Variants in XKR9 observed in about 807,000 individuals in gnomAD.
XKR9 encodes XK-related protein 9.
Under a neutral mutation model 32.0 loss-of-function variants are expected in XKR9, and 32 were observed. That is an observed-to-expected ratio of 1.00 (90% confidence interval 0.76 to 1.34). XKR9 has a LOEUF of 1.34. Ranked by LOEUF, XKR9 falls within the 40% of genes most tolerant of loss-of-function variation. XKR9 has a pLI of 0.00. For synonymous variants in XKR9, 168 were observed against 143.4 expected, an observed-to-expected ratio of 1.17 and a Z score of -1.22; for missense variants, 546 against 429.7, an observed-to-expected ratio of 1.27 and a Z score of -2.39.
At chr8:70,960,497 C>T in the XKR9 span, among the ~76,000 whole-genome samples, 4 of 152,154 alleles carry the variant, frequency 2.6e-5, no homozygotes, top group African/African-American at 7.2e-5. Context: ...TGTGACTTTG[C>T]TGAATCCATT....
At position 70,770,519 on chromosome 8, in the gene XKR9, A is replaced by T. The variant is rs147561060; in HGVS notation, n.353-18820A>T. ...CTGCTGAAGCTGCACCCACAGCCGC[A>T]TCTTCCTCCAGGTGCTCTGTCCCAG... On this transcript the variant is annotated intron_variant and non_coding_transcript_variant, in intron 2 of 3. Transcript: ENST00000520273. Among the ~76,000 whole-genome samples the T allele has an allele frequency of 2.4e-4, 37 of 152,336 alleles. No individual in the cohort carries two copies. The East Asian group carries it at 6.9e-3, about 29-fold the overall frequency.
chr8:70,872,514 C>A, the XKR9 span, among the ~76,000 whole-genome samples: 1 of 152,310 alleles, frequency 6.6e-6, no homozygotes, highest in South Asian at 2.1e-4. Context: ...GGGGACTACA[C>A]TAAAGAATAG....
the XKR9 span, among the ~76,000 whole-genome samples, chr8:70,817,082 T>A: frequency 6.6e-6 from 1 of 152,110 alleles, no homozygotes; most frequent in Non-Finnish European, 1.5e-5. Context: ...CAAAAAGTCT[T>A]ATCTTTGATA....
chr8:70,939,826 GCAA>G, the XKR9 span, among the ~76,000 whole-genome samples: 2 of 152,072 alleles, frequency 1.3e-5, no homozygotes, highest in Non-Finnish European at 2.9e-5. Flanking sequence ...GAAATACCAT[GCAA>G]CAACAACATT....
At chr8:70,892,008 A>G in the XKR9 span, among the ~76,000 whole-genome samples, 33 of 152,178 alleles carry the variant, frequency 2.2e-4, no homozygotes, top group African/African-American at 7.5e-4. Flanking sequence ...TTATTATACA[A>G]TGACCTTTTC....
chr8:70,695,133 T>C (rs1805216831), intron 3 of XKR9, among the ~76,000 whole-genome samples: 2 of 116,114 alleles, frequency 1.7e-5, no homozygotes, highest in Non-Finnish European at 4.0e-5. Context: ...TTTTTCTTTT[T>C]TTTTTTTTTT....
rs1450612931 is a variant in XKR9 at position 70,734,135 on chromosome 8, T to C, written c.833T>C (p.Ile278Thr). Residue 278 changes from isoleucine (I) to threonine (T), a missense_variant, in exon 5 of 5, where the codon ATT (isoleucine) becomes ACT (threonine). Coordinates refer to ENST00000408926, the MANE Select transcript of XKR9 (RefSeq NM_001011720.2). ...ATTCTTATCTTTACATTTTTTAATA[T>C]TAAGGGACAGAATACCAAGTGTCCA... ...GFILIFTFFN[I>T]KGQNTKCPMS... is the part of the protein sequence containing the mutation. 6.2e-7 allele frequency: 1 copy of C among 1,612,374 alleles called. No individual in the cohort carries two copies. Among genetic ancestry groups the C allele is most frequent in the South Asian group, 1.1e-5 (1 of 90,962 alleles).
chr8:70,724,820 G>T lies in XKR9; in HGVS notation c.494-8976G>T, dbSNP rs1444376091. 3.9e-5 allele frequency among the ~76,000 whole-genome samples: 6 copies of T among 152,178 alleles called. No individual in the cohort carries two copies. In the East Asian group the frequency reaches 1.2e-3, roughly 29 times the overall value. ...CTGCAGACCGGAGCTTTTCATATTT[G>T]GCCATCTTAGTCTGGGTTTTCTTTT... is the stretch of plus-strand genomic sequence containing the variant. On this transcript the variant is annotated intron_variant, in intron 4 of 4. Transcript: ENST00000408926.
chr8:71,030,274 GTACTAA>G, the XKR9 span, among the ~76,000 whole-genome samples: 1 of 152,088 alleles, frequency 6.6e-6, no homozygotes, highest in Admixed American at 6.6e-5. Context: ...ACTAAATACA[GTACTAA>G]TAATCTCTTA....
the XKR9 span, among the ~76,000 whole-genome samples, chr8:70,900,566 G>A: frequency 1.3e-5 from 2 of 151,954 alleles, no homozygotes; most frequent in African/African-American, 4.8e-5. Context: ...TCCAGCCTGG[G>A]CAAAAGAGTG....
chr8:70,857,757 C>T, the XKR9 span, among the ~76,000 whole-genome samples: 5 of 152,264 alleles, frequency 3.3e-5, no homozygotes, highest in East Asian at 7.7e-4. Flanking sequence ...CATCAAAAAG[C>T]TTATCCGCCA....
intron 3 of XKR9, among the ~76,000 whole-genome samples, chr8:70,706,652 G>A (rs1044667455): frequency 5.9e-5 from 9 of 151,994 alleles, no homozygotes; most frequent in Non-Finnish European, 1.2e-4. Context: ...ATGGAATAAT[G>A]TCTCCTTTTC....
chr8:70,758,009 TC>T (rs1807253924), intron 2 of XKR9, among the ~76,000 whole-genome samples: 1 of 152,194 alleles, frequency 6.6e-6, no homozygotes, highest in African/African-American at 2.4e-5. Context: ...TATCCTACTT[TC>T]CTGTTTCTTT....
At chr8:70,726,639 C>G (rs1056838488) in intron 4 of XKR9, among the ~76,000 whole-genome samples, 1 of 152,214 alleles carries the variant, frequency 6.6e-6, no homozygotes, top group Non-Finnish European at 1.5e-5. Flanking sequence ...ACAATCAAAG[C>G]AATGGCTACC....
chr8:70,985,949 G>A, the XKR9 span, among the ~76,000 whole-genome samples: 6 of 151,510 alleles, frequency 4.0e-5, no homozygotes, highest in Non-Finnish European at 8.8e-5. Flanking sequence ...TATTTATATC[G>A]AAGTCTAGTA....
At chr8:70,752,051 C>T (rs1807149990) in intron 2 of XKR9, among the ~76,000 whole-genome samples, 1 of 152,116 alleles carries the variant, frequency 6.6e-6, no homozygotes, top group African/African-American at 2.4e-5. Flanking sequence ...TGTATTCATC[C>T]AATTGATTTT....
At chr8:70,725,018 G>A (rs370958849) in intron 4 of XKR9, among the ~76,000 whole-genome samples, 2 of 152,102 alleles carry the variant, frequency 1.3e-5, no homozygotes, top group Non-Finnish European at 2.9e-5. Context: ...CATGGCAGAC[G>A]GGGAAGCAAA....
chr8:70,961,646 C>A, the XKR9 span, among the ~76,000 whole-genome samples: 1 of 152,130 alleles, frequency 6.6e-6, no homozygotes, highest in African/African-American at 2.4e-5. Flanking sequence ...TAAAACAGAT[C>A]GCATGAAGAT....
intron 2 of XKR9, among the ~76,000 whole-genome samples, chr8:70,771,015 G>A (rs1392534877): frequency 6.6e-6 from 1 of 152,140 alleles, no homozygotes; most frequent in Non-Finnish European, 1.5e-5. Context: ...GCCCAGTTTT[G>A]TGCTTGAAAC....
Sources: gnomAD v4.1 joint callset for allele counts (sites outside exome capture counted in the v4.1 genomes callset) on GRCh38, gnomAD v4.1.1 for gene constraint, MANE v1.5 for transcripts, NCBI Gene and HGNC (gene_info 2026-07-23, HGNC 2026-07-21) for gene names.